Variants in MDGA2 observed in about 807,000 individuals in gnomAD.
MDGA2 encodes MAM domain-containing glycosylphosphatidylinositol anchor protein 2.
A neutral mutation model predicts 117.8 loss-of-function variants in MDGA2; 40 were observed. The observed-to-expected ratio is 0.34, with a 90% CI of 0.26 to 0.44. MDGA2 has a LOEUF of 0.44. MDGA2 is among the 20% of genes least tolerant of loss of function. MDGA2 has a pLI of 1.00. For synonymous variants in MDGA2, 452 were observed against 439.0 expected, an observed-to-expected ratio of 1.03 and a Z score of -0.37; for missense variants, 1,123 against 1,250.6, an observed-to-expected ratio of 0.90 and a Z score of 1.54.
At chr14:47,348,413 T>G (rs1468345778) in intron 1 of MDGA2, among the ~76,000 whole-genome samples, 6 of 152,042 alleles carry the variant, frequency 3.9e-5, no homozygotes, top group Non-Finnish European at 8.8e-5. Flanking sequence ...GATTTCACCA[T>G]GTTGGCCAGG....
At position 47,668,493 on chromosome 14, in the gene MDGA2, A is replaced by G. The variant is rs148244517; in HGVS notation, c.280+6024T>C. ...GTGAGATGATTTAATGATATCTTAA[A>G]GTCTCTTCTCCCACTTTATGATTTT... On this transcript the variant is annotated intron_variant, in intron 1 of 16. Coordinates refer to ENST00000399232, the MANE Select transcript of MDGA2 (RefSeq NM_001113498.3). 7.3e-4 allele frequency among the ~76,000 whole-genome samples: 111 copies of G among 152,340 alleles called. 1 individual carries two copies. The East Asian group carries it at 0.016, about 23-fold the overall frequency.
In MDGA2 at chr14:47,274,027, C is replaced by T. The variant is rs894645880; in HGVS notation, c.420+27384G>A. 2.6e-5 allele frequency among the ~76,000 whole-genome samples: 4 copies of T among 152,152 alleles called. No homozygotes were observed. In the Middle Eastern group the frequency reaches 0.01, roughly 391 times the overall value. On this transcript the variant is annotated intron_variant, in intron 2 of 16. Coordinates refer to ENST00000399232, the MANE Select transcript of MDGA2 (RefSeq NM_001113498.3). ...TCTAGAGGCTACACTAAGAGTAGGG[C>T]TTTTATTTTTTTAACGGCTTCACTG... is the stretch of plus-strand genomic sequence containing the variant.
Position 47,306,842 on chromosome 14 carries a change from G to GGAGAGAGAGAGAGA in MDGA2, c.281-5306_281-5293dup, listed in dbSNP as rs10629208. On this transcript the variant is annotated intron_variant, in intron 1 of 16. Transcript: ENST00000399232. ...TAGAGAGACAGAGAAAGAGAAAGAGGGAGAGAGAGAGAGAGAGAGAGAGAG... is the reference window on the plus strand; with the variant it reads ...TAGAGAGACAGAGAAAGAGAAAGAGGGAGAGAGAGAGAGAGAGAGAGAGAGAGAGAGAGAGAGAG... Among the ~76,000 whole-genome samples the GGAGAGAGAGAGAGA allele has an allele frequency of 9.8e-3, 1,437 of 146,630 alleles. 18 individuals are homozygous for GGAGAGAGAGAGAGA. Among genetic ancestry groups the GGAGAGAGAGAGAGA allele is most frequent in the African/African-American group, 0.029 (1,123 of 39,028 alleles).
At chr14:46,904,357 CA>C (rs5808366) in intron 10 of MDGA2, among the ~76,000 whole-genome samples, 12,375 of 73,796 alleles carry the variant, frequency 0.17, 569 homozygotes, top group African/African-American at 0.29. Context: ...GACTCTGTCT[CA>C]AAAAAAAAAA....
chr14:47,387,710 T>C (rs1301683164), intron 1 of MDGA2, among the ~76,000 whole-genome samples: 1 of 152,218 alleles, frequency 6.6e-6, no homozygotes, highest in Non-Finnish European at 1.5e-5. Flanking sequence ...ATATTTATAC[T>C]TTAAATATCC....
intron 1 of MDGA2, among the ~76,000 whole-genome samples, chr14:47,576,022 C>G (rs1339312756): frequency 6.6e-6 from 1 of 152,102 alleles, no homozygotes; most frequent in Non-Finnish European, 1.5e-5. Context: ...ATAATTACAT[C>G]ATGTTTGCTT....
chr14:47,548,773 C>T (rs1205003851), intron 1 of MDGA2, among the ~76,000 whole-genome samples: 1 of 152,086 alleles, frequency 6.6e-6, no homozygotes, highest in East Asian at 1.9e-4. Context: ...GTGCACATGC[C>T]TGCGGCCTTC....
intron 3 of MDGA2, among the ~76,000 whole-genome samples, chr14:47,176,709 C>T (rs1337186723): frequency 1.3e-5 from 2 of 152,114 alleles, no homozygotes; most frequent in East Asian, 1.9e-4. Flanking sequence ...TAGAAGAAAA[C>T]CTAGGCATTA....
At chr14:47,561,179 G>GTTTTTTTTTTTTTTTTTTTTT (rs1299123339) in intron 1 of MDGA2, among the ~76,000 whole-genome samples, 2 of 71,624 alleles carry the variant, frequency 2.8e-5, no homozygotes, top group African/African-American at 9.4e-5. Flanking sequence ...TTGTTTGTTT[G>GTTTTTTTTTTTTTTTTTTTTT]TTTTTTTTTG....
At chr14:47,138,611 T>C (rs1182485986) in intron 4 of MDGA2, among the ~76,000 whole-genome samples, 5 of 152,096 alleles carry the variant, frequency 3.3e-5, no homozygotes, top group Non-Finnish European at 7.4e-5. Context: ...TAGTGGCCCT[T>C]ACCAATGCTG....
At chr14:46,933,982 T>C (rs542828311) in intron 9 of MDGA2, among the ~76,000 whole-genome samples, 1 of 151,262 alleles carries the variant, frequency 6.6e-6, no homozygotes, top group South Asian at 2.1e-4. Flanking sequence ...ATATGAGTAA[T>C]ACATGTCAAA....
chr14:47,462,781 A>T (rs990569049), intron 1 of MDGA2, among the ~76,000 whole-genome samples: 1 of 152,216 alleles, frequency 6.6e-6, no homozygotes, highest in Non-Finnish European at 1.5e-5. Context: ...AAAATAAGTG[A>T]CATTTTTGCC....
At chr14:47,605,295 A>T (rs1160146211) in intron 1 of MDGA2, among the ~76,000 whole-genome samples, 4 of 152,206 alleles carry the variant, frequency 2.6e-5, no homozygotes, top group Non-Finnish European at 2.9e-5. Context: ...TATAGATAAG[A>T]AGAAAAATAG....
In MDGA2 at chr14:47,304,649, T is replaced by G. The variant is rs182074964; in HGVS notation, c.281-3099A>C. Among the ~76,000 whole-genome samples the G allele has an allele frequency of 2.5e-3, 374 of 152,250 alleles. 2 individuals carry two copies. Among genetic ancestry groups the G allele is most frequent in the African/African-American group, 8.4e-3 (347 of 41,552 alleles). ...CAAAATAGTATTTTGAAATTTCTATTTACATTATGTTGTTTCTCTGCTTAA... is the reference window on the plus strand; with the variant it reads ...CAAAATAGTATTTTGAAATTTCTATGTACATTATGTTGTTTCTCTGCTTAA... On this transcript the variant is annotated intron_variant, in intron 1 of 16. Transcript: ENST00000399232.
chr14:47,094,966 A>C (rs182659453), intron 6 of MDGA2, among the ~76,000 whole-genome samples: 3 of 152,172 alleles, frequency 2.0e-5, no homozygotes, highest in Non-Finnish European at 4.4e-5. Flanking sequence ...GGATACTTCC[A>C]TTGTGAATTC....
At chr14:47,036,449 A>G (rs1367218765) in intron 7 of MDGA2, among the ~76,000 whole-genome samples, 3 of 152,182 alleles carry the variant, frequency 2.0e-5, no homozygotes, top group African/African-American at 7.2e-5. Flanking sequence ...GAAATACTAT[A>G]CAACGATCTT....
chr14:47,561,180 T>TG (rs1478058899), intron 1 of MDGA2, among the ~76,000 whole-genome samples: 1 of 120,566 alleles, frequency 8.3e-6, no homozygotes, highest in Non-Finnish European at 1.7e-5. Flanking sequence ...TGTTTGTTTG[T>TG]TTTTTTTTGC....
At chr14:47,136,790 G>T (rs570285930) in intron 4 of MDGA2, among the ~76,000 whole-genome samples, 1 of 152,188 alleles carries the variant, frequency 6.6e-6, no homozygotes, top group Admixed American at 6.5e-5. Flanking sequence ...AGAGCACACA[G>T]TAAGGTTTTA....
At chr14:47,334,335 C>T (rs559899278) in intron 1 of MDGA2, among the ~76,000 whole-genome samples, 7 of 152,012 alleles carry the variant, frequency 4.6e-5, no homozygotes, top group African/African-American at 1.7e-4. Flanking sequence ...TCTGCATTTT[C>T]AGTGGATCAT....
Sources: gnomAD v4.1 joint callset for allele counts (sites outside exome capture counted in the v4.1 genomes callset) on GRCh38, gnomAD v4.1.1 for gene constraint, MANE v1.5 for transcripts, NCBI Gene and HGNC (gene_info 2026-07-23, HGNC 2026-07-21) for gene names.